Variants in GAPDHS observed in about 807,000 individuals in gnomAD.
GAPDHS encodes the protein glyceraldehyde-3-phosphate dehydrogenase, spermatogenic.
Under a neutral mutation model 48.7 loss-of-function variants are expected in GAPDHS, and 42 were observed. The observed-to-expected ratio is 0.86, with a 90% CI of 0.67 to 1.12. The LOEUF (loss-of-function observed/expected upper bound fraction) is 1.12, where lower values mean the gene tolerates loss of function less well. GAPDHS is among the 50% of genes most tolerant of loss of function. The pLI, the probability that GAPDHS is intolerant of heterozygous loss-of-function variation, is 0.00. For missense variants in GAPDHS, 512 were observed against 557.7 expected, an observed-to-expected ratio of 0.92 and a Z score of 0.82; for synonymous variants, 166 against 219.1, an observed-to-expected ratio of 0.76 and a Z score of 2.14.
rs143500510 is a variant in GAPDHS, at chr19:35,543,568, A to G, written c.893+77A>G. On this transcript the variant is annotated intron_variant, in intron 8 of 10. Coordinates refer to ENST00000222286, the MANE Select transcript of GAPDHS (RefSeq NM_014364.5). ...GGACTGGCCCGGCCCTCAGTCCTTAAGAGGAAAGCAGGGGCCTGGCCCAGC... is the reference window on the plus strand; with the variant it reads ...GGACTGGCCCGGCCCTCAGTCCTTAGGAGGAAAGCAGGGGCCTGGCCCAGC... 3.8e-3 allele frequency: 6,024 copies of G among 1,573,118 alleles called. 12 individuals carry two copies. Among genetic ancestry groups the G allele is most frequent in the Non-Finnish European group, 4.4e-3 (5,049 of 1,159,296 alleles).
At position 35,543,320 on chromosome 19, in the gene GAPDHS, T is replaced by G. The variant is rs903292557; in HGVS notation, c.742-20T>G. ...GCTTAGGAGCATGAAGGCCTCATCTTGGTCCTTCTCTTCCCCAAGACCACA... is the reference window on the plus strand; with the variant it reads ...GCTTAGGAGCATGAAGGCCTCATCTGGGTCCTTCTCTTCCCCAAGACCACA... On this transcript the variant is annotated intron_variant, in intron 7 of 10. Transcript: ENST00000222286. 1 of 1,608,152 alleles carries G rather than the reference T, an allele frequency of 6.2e-7. No homozygotes were observed. The highest frequency in any genetic ancestry group is 1.3e-5 in the African/African-American group (1 of 74,392).
chr19:35,535,297 T>C (rs2071458421), intron 1 of GAPDHS, among the ~76,000 whole-genome samples: 2 of 151,994 alleles, frequency 1.3e-5, no homozygotes, highest in African/African-American at 2.4e-5. Flanking sequence ...TGGGAGCCAA[T>C]GTGAGCTTCC....
intron 9 of GAPDHS, chr19:35,544,123 T>G: frequency 3.4e-5 from 11 of 324,164 alleles, no homozygotes; most frequent in Non-Finnish European, 3.4e-5. Context: ...TGAAATTTCA[T>G]TTCATAGTCA....
At chr19:35,543,164 A>C (rs1417894289) in intron 7 of GAPDHS, 138 bp downstream of exon 7, 2 of 980,506 alleles carry the variant, frequency 2.0e-6, no homozygotes, top group African/African-American at 3.2e-5. Flanking sequence ...AAGTCACTTA[A>C]AACACTGTGC....
chr19:35,536,801 T>TCC lies in GAPDHS; in HGVS notation c.68-8_68-7dup. 1 of 1,581,138 alleles carries TCC rather than the reference T, an allele frequency of 6.3e-7. No individual in the cohort carries two copies. Among genetic ancestry groups the TCC allele is most frequent in the Non-Finnish European group, 8.6e-7 (1 of 1,156,358 alleles). On this transcript the variant is annotated splice_polypyrimidine_tract_variant and intron_variant, in intron 1 of 10. Transcript: ENST00000222286. The stretch of plus-strand genomic sequence containing the variant: ...TGGTCATGCAACCCATTCCCTCCCT[T>TCC]CCCCCGCATAGTGACCAGAGCACCG...
chr19:35,543,415 GGT>G lies in GAPDHS; in HGVS notation c.819_820del (p.Ala274ProfsTer78). 2 of 1,610,990 alleles carry G rather than the reference GGT, an allele frequency of 1.2e-6. No homozygotes were observed. Among genetic ancestry groups the G allele is most frequent in the Non-Finnish European group, 1.7e-6 (2 of 1,179,046 alleles). ...PSRKAWRDGRGAHQNIIPAST... is the reference protein window; with the variant it reads ...PSRKAWRDGRXAHQNIIPAST... ...AAGGAAGGCCTGGCGAGATGGGCGG[GGT>G]GCCCACCAGAACATCATCCCAGCCT... On this transcript the variant is annotated frameshift_variant, in exon 8 of 11. Coordinates refer to ENST00000222286, the MANE Select transcript of GAPDHS (RefSeq NM_014364.5). LOFTEE classifies it high-confidence loss of function.
chr19:35,543,800 T>A lies in GAPDHS; in HGVS notation c.1029T>A (p.Ala343=), dbSNP rs2071523947. 3 of 1,613,166 alleles carry A rather than the reference T, an allele frequency of 1.9e-6. No homozygotes were observed. Among genetic ancestry groups the A allele is most frequent in the Non-Finnish European group, 2.5e-6 (3 of 1,179,710 alleles). ...AAGCAGCAGCCAAGGGGCCCATGGC[T>A]GGCATCCTTGCCTACACCGAGGATG... ...AVKAAAKGPM[A]GILAYTEDEV... Residue 343 remains alanine (A), a synonymous_variant, in exon 9 of 11, where the codon GCT becomes GCA. Coordinates refer to ENST00000222286, the MANE Select transcript of GAPDHS (RefSeq NM_014364.5).
rs751975303 is a variant in GAPDHS at position 35,543,840 on chromosome 19, G to A, written c.1056+13G>A. On this transcript the variant is annotated intron_variant, in intron 9 of 10. Coordinates refer to ENST00000222286, the MANE Select transcript of GAPDHS (RefSeq NM_014364.5). ...CACCGAGGATGAGGTAGGGGCTGAG[G>A]AGAGGAGACCCTGGGAGGAGCCCTC... 6.9e-6 allele frequency: 11 copies of A among 1,597,002 alleles called. No individual in the cohort carries two copies. The highest frequency in any genetic ancestry group is 1.7e-4 in the Middle Eastern group (1 of 5,876).
intron 9 of GAPDHS, chr19:35,544,528 C>G (rs1235840275): frequency 1.4e-5 from 3 of 222,064 alleles, no homozygotes; most frequent in Non-Finnish European, 2.7e-5. Context: ...CTTCCTGCAG[C>G]TCCTTCTACC....
intron 9 of GAPDHS, 48 bp from the exon 10 acceptor site, chr19:35,544,861 G>A (rs1600135751): frequency 9.0e-7 from 1 of 1,107,980 alleles, no homozygotes; most frequent in Non-Finnish European, 1.4e-6. Flanking sequence ...AGCTCCTGGA[G>A]GTCCTTGCTC....
rs774505067 is a variant in GAPDHS, at chr19:35,542,493, C to T, written c.544C>T (p.His182Tyr). 19 of 1,612,924 alleles carry T rather than the reference C, an allele frequency of 1.2e-5. No homozygotes were observed. Among genetic ancestry groups the T allele is most frequent in the Non-Finnish European group, 1.4e-5 (16 of 1,179,070 alleles). Residue 182 changes from histidine (H) to tyrosine (Y), a missense_variant, in exon 6 of 11, where the codon CAC becomes TAC. Coordinates refer to ENST00000222286, the MANE Select transcript of GAPDHS (RefSeq NM_014364.5). ...GACACCTGCGCTTCCTCCCCAGGACCACATCTCTGCAGGTGCTCAACGTGT... is the reference window on the plus strand; with the variant it reads ...GACACCTGCGCTTCCTCCCCAGGACTACATCTCTGCAGGTGCTCAACGTGT... Reference protein sequence around the residue: ...VYLSIQAASDHISAGAQRVVI... With the variant: ...VYLSIQAASDYISAGAQRVVI...
rs61745734 is a variant in GAPDHS at position 35,538,338 on chromosome 19, G to T, written c.277G>T (p.Ala93Ser). 0.023 allele frequency: 37,063 copies of T among 1,613,258 alleles called. 537 individuals carry two copies. The highest frequency in any genetic ancestry group is 0.026 in the Non-Finnish European group (30,383 of 1,179,382). ...ACGCATCGGTCGCCTGGTCCTGCGC[G>T]CCTGCATGGAGAAGGGTGTTAAGGT... ...FGRIGRLVLRACMEKGVKVVA... is the reference protein window; with the variant it reads ...FGRIGRLVLRSCMEKGVKVVA... Residue 93 changes from alanine to serine, a missense_variant, in exon 3 of 11, where the codon GCC (alanine) becomes TCC (serine). Ala to Ser is a moderately conservative substitution (Grantham distance 99). Coordinates refer to ENST00000222286, the MANE Select transcript of GAPDHS (RefSeq NM_014364.5).
chr19:35,535,896 A>G (rs1185638562), intron 1 of GAPDHS, among the ~76,000 whole-genome samples: 1 of 151,412 alleles, frequency 6.6e-6, no homozygotes, highest in African/African-American at 2.4e-5. Context: ...CAGCCCCCCG[A>G]GGAGCTGGGA....
intron 4 of GAPDHS, among the ~76,000 whole-genome samples, chr19:35,539,934 C>A (rs1413384726): frequency 6.6e-6 from 1 of 152,232 alleles, no homozygotes; most frequent in Non-Finnish European, 1.5e-5. Flanking sequence ...TCAGGTCTTG[C>A]CTTCTCTGGT....
At chr19:35,539,222 G>A (rs1372664081) in intron 4 of GAPDHS, among the ~76,000 whole-genome samples, 2 of 152,170 alleles carry the variant, frequency 1.3e-5, no homozygotes, top group African/African-American at 4.8e-5. Flanking sequence ...ATGTTTTCTC[G>A]TGGGCATATC....
chr19:35,543,129 C>G (rs556491801), intron 7 of GAPDHS, 103 bp downstream of exon 7: 1 of 1,060,696 alleles, frequency 9.4e-7, no homozygotes, highest in East Asian at 2.5e-5. Context: ...AGACTGGTTT[C>G]GGGAGGAGAG....
chr19:35,537,846 G>A (rs962041002), intron 2 of GAPDHS, among the ~76,000 whole-genome samples: 1 of 152,188 alleles, frequency 6.6e-6, no homozygotes, highest in Non-Finnish European at 1.5e-5. Context: ...AGGCCAAGGC[G>A]GGTCTATCAA....
intron 1 of GAPDHS, among the ~76,000 whole-genome samples, chr19:35,535,395 T>G (rs2146292207): frequency 6.6e-6 from 1 of 152,178 alleles, no homozygotes. Flanking sequence ...TTTTTTATTT[T>G]TTTTTGGGAG....
rs2071524382 is a variant in GAPDHS, at chr19:35,543,839, G to A, written c.1056+12G>A. On this transcript the variant is annotated intron_variant, in intron 9 of 10. Coordinates refer to ENST00000222286, the MANE Select transcript of GAPDHS (RefSeq NM_014364.5). ...ACACCGAGGATGAGGTAGGGGCTGA[G>A]GAGAGGAGACCCTGGGAGGAGCCCT... 1.9e-6 allele frequency: 3 copies of A among 1,597,640 alleles called. No homozygotes were observed. The highest frequency in any genetic ancestry group is 3.5e-5 in the Admixed American group (2 of 57,298).
Sources: allele counts gnomAD v4.1 joint callset (sites outside exome capture counted in the v4.1 genomes callset), GRCh38; gene constraint gnomAD v4.1.1; transcripts MANE v1.5; gene names NCBI Gene and HGNC (gene_info 2026-07-23, HGNC 2026-07-21).